AFF3: variants seen among roughly 807,000 people sequenced by gnomAD.
The protein encoded by AFF3 is ALF transcription elongation factor 3, also known as AF4/FMR2 family member 3.
Under a neutral mutation model 129.7 loss-of-function variants are expected in AFF3, and 32 were observed. The ratio of observed to expected loss-of-function variants is 0.25; its 90% CI spans 0.19 to 0.33. The LOEUF (loss-of-function observed/expected upper bound fraction) is 0.33, where lower values mean the gene tolerates loss of function less well. Ranked by LOEUF, AFF3 falls within the 10% of genes least tolerant of loss-of-function variation. The pLI is 1.00. For missense variants in AFF3, 1,373 were observed against 1,592.0 expected, an observed-to-expected ratio of 0.86 and a Z score of 2.34; for synonymous variants, 644 against 635.4, an observed-to-expected ratio of 1.01 and a Z score of -0.20.
chr2:100,126,215 T>A (rs1692182520), intron 2 of AFF3, among the ~76,000 whole-genome samples: 1 of 152,174 alleles, frequency 6.6e-6, no homozygotes, highest in Non-Finnish European at 1.5e-5. Flanking sequence ...GTCAGGAAGT[T>A]GTGACACTGG....
chr2:99,563,539 G>A (rs1675680703), intron 20 of AFF3, among the ~76,000 whole-genome samples: 1 of 151,038 alleles, frequency 6.6e-6, no homozygotes, highest in Non-Finnish European at 1.5e-5. Context: ...AGCCAGGTGC[G>A]GTGGCTCACG....
At chr2:99,733,293 T>A (rs1296850591) in intron 10 of AFF3, among the ~76,000 whole-genome samples, 2 of 151,676 alleles carry the variant, frequency 1.3e-5, no homozygotes, top group Non-Finnish European at 2.9e-5. Context: ...GGCAGGAGAA[T>A]TGCTTGAACC....
chr2:99,707,304 A>G, intron 11 of AFF3: 2 of 985,262 alleles, frequency 2.0e-6, no homozygotes, highest in South Asian at 9.4e-5. Flanking sequence ...CTGGTTAGAG[A>G]TTAAAGAAAA....
chr2:99,606,077 T>C (rs139125576), intron 13 of AFF3, among the ~76,000 whole-genome samples: 1 of 152,072 alleles, frequency 6.6e-6, no homozygotes, highest in Non-Finnish European at 1.5e-5. Context: ...TTAAAAAAAT[T>C]AACTTAAGCC....
At chr2:99,760,861 C>T (rs551264587) in intron 8 of AFF3, among the ~76,000 whole-genome samples, 13 of 152,226 alleles carry the variant, frequency 8.5e-5, no homozygotes, top group Admixed American at 6.5e-4. Context: ...TAAGCCTGTA[C>T]CCTATTCCCC....
At chr2:99,770,366 T>TCC (rs1683376144) in intron 8 of AFF3, among the ~76,000 whole-genome samples, 3 of 152,148 alleles carry the variant, frequency 2.0e-5, no homozygotes, top group Admixed American at 2.0e-4. Context: ...GGCCTGGGAC[T>TCC]CACCCTTCAG....
intron 4 of AFF3, among the ~76,000 whole-genome samples, chr2:100,081,652 T>C (rs563777953): frequency 1.3e-5 from 2 of 152,302 alleles, no homozygotes; most frequent in East Asian, 3.9e-4. Flanking sequence ...ACAGGGCCTC[T>C]ATAATTAACT....
At chr2:99,606,037 T>C (rs895041598) in intron 13 of AFF3, among the ~76,000 whole-genome samples, 5 of 152,156 alleles carry the variant, frequency 3.3e-5, no homozygotes, top group African/African-American at 1.2e-4. Flanking sequence ...GTGTGCCAAT[T>C]GGTTGTCATG....
intron 7 of AFF3, among the ~76,000 whole-genome samples, chr2:99,888,866 C>A (rs764714300): frequency 6.6e-5 from 10 of 152,126 alleles, no homozygotes; most frequent in Non-Finnish European, 1.5e-4. Context: ...GCAGTCACAG[C>A]ACCATTTTTT....
At chr2:100,119,605 GAGTGTTAATAA>G (rs1691869166) in intron 2 of AFF3, among the ~76,000 whole-genome samples, 2 of 152,350 alleles carry the variant, frequency 1.3e-5, no homozygotes, top group East Asian at 3.9e-4. Context: ...AACAAGTATT[GAGTGTTAATAA>G]AGTGGCAGGC....
At chr2:99,731,707 AAAT>A (rs1260253877) in intron 10 of AFF3, among the ~76,000 whole-genome samples, 1 of 152,238 alleles carries the variant, frequency 6.6e-6, no homozygotes, top group Non-Finnish European at 1.5e-5. Flanking sequence ...GTGACAATAT[AAAT>A]ATTAGTCACT....
intron 11 of AFF3, among the ~76,000 whole-genome samples, chr2:99,708,235 G>A (rs1176753255): frequency 6.6e-6 from 1 of 152,040 alleles, no homozygotes; most frequent in South Asian, 2.1e-4. Context: ...TTCAATGGAA[G>A]GGATTTTAAA....
intron 7 of AFF3, among the ~76,000 whole-genome samples, chr2:99,906,903 T>C (rs1243943203): frequency 6.6e-6 from 1 of 151,914 alleles, no homozygotes; most frequent in Admixed American, 6.6e-5. Context: ...TATCGCCTAC[T>C]GTTTCTGTTT....
At chr2:99,850,725 T>TGGGTTAGTGTAGTAGTAAGTCTATG (rs1355390889) in intron 7 of AFF3, among the ~76,000 whole-genome samples, 1 of 152,266 alleles carries the variant, frequency 6.6e-6, no homozygotes, top group Non-Finnish European at 1.5e-5. Context: ...GGTAAATTTC[T>TGGGTTAGTGTAGTAGTAAGTCTATG]GTATTTTCTG....
At chr2:99,868,815 T>G (rs528695884) in intron 7 of AFF3, among the ~76,000 whole-genome samples, 7 of 152,268 alleles carry the variant, frequency 4.6e-5, no homozygotes, top group South Asian at 2.1e-4. Context: ...GTTTTAGAGA[T>G]AGGGTCTCGC....
chr2:99,908,146 C>A (rs914018413), intron 7 of AFF3, among the ~76,000 whole-genome samples: 1 of 152,156 alleles, frequency 6.6e-6, no homozygotes, highest in Non-Finnish European at 1.5e-5. Context: ...CTATTTGCCA[C>A]TGAACATAGT....
chr2:100,067,272 A>AT (rs1046144328), intron 4 of AFF3, among the ~76,000 whole-genome samples: 2 of 151,848 alleles, frequency 1.3e-5, no homozygotes, highest in African/African-American at 2.4e-5. Flanking sequence ...TAGAAAGCTT[A>AT]TTTTTTCCAG....
chr2:99,911,078 C>G (rs535234968), intron 7 of AFF3, among the ~76,000 whole-genome samples: 1 of 152,206 alleles, frequency 6.6e-6, no homozygotes, highest in East Asian at 1.9e-4. Context: ...CGTATAATAA[C>G]CCAGTGCAGT....
intron 3 of AFF3, 88 bp downstream of exon 3, chr2:100,105,416 C>G: frequency 7.6e-7 from 1 of 1,313,550 alleles, no homozygotes; most frequent in Non-Finnish European, 1.0e-6. Flanking sequence ...GACCTGCTCT[C>G]CGTTGCGGTT....
Sources: gnomAD v4.1 joint callset for allele counts (sites outside exome capture counted in the v4.1 genomes callset) on GRCh38, gnomAD v4.1.1 for gene constraint, MANE v1.5 for transcripts, NCBI Gene and HGNC (gene_info 2026-07-23, HGNC 2026-07-21) for gene names.